Variants in KIAA1328 observed in about 807,000 individuals in gnomAD.
The protein encoded by KIAA1328 is protein hinderin.
In KIAA1328, 52 loss-of-function variants were observed where a neutral mutation model predicts 68.1. That is an observed-to-expected ratio of 0.76 (90% confidence interval 0.61 to 0.96). KIAA1328 has a LOEUF of 0.96. Among genes scored for constraint, KIAA1328 ranks in the 40% least tolerant of loss-of-function variants. The probability of loss-of-function intolerance (pLI) is 0.00; values close to 1 mark genes in which losing one functional copy is unlikely to be tolerated. For missense variants in KIAA1328, 641 were observed against 677.6 expected (o/e 0.95, Z 0.60); for synonymous variants, 232 against 239.4 (o/e 0.97, Z 0.28).
At chr18:37,229,405 T>C (rs2060654898), downstream of KIAA1328, among the ~76,000 whole-genome samples, 2 of 152,162 alleles carry the variant, frequency 1.3e-5, no homozygotes, top group Admixed American at 6.5e-5. Flanking sequence ...CAGGTATACA[T>C]CTATGCACAC....
chr18:36,942,967 C>T (rs906561867), intron 5 of KIAA1328, among the ~76,000 whole-genome samples: 1 of 152,152 alleles, frequency 6.6e-6, no homozygotes, highest in Admixed American at 6.5e-5. Flanking sequence ...GATGCCAAAG[C>T]AAATTTAATT....
intron 5 of KIAA1328, among the ~76,000 whole-genome samples, chr18:36,924,328 ATG>A (rs2050035598): frequency 6.6e-6 from 1 of 152,170 alleles, no homozygotes; most frequent in African/African-American, 2.4e-5. Flanking sequence ...AGTTGTCCAG[ATG>A]AGAGTGGTGG....
chr18:36,926,093 T>C (rs2050106088), intron 5 of KIAA1328, among the ~76,000 whole-genome samples: 1 of 152,130 alleles, frequency 6.6e-6, no homozygotes, highest in Non-Finnish European at 1.5e-5. Context: ...GACATTTTCA[T>C]GTTTAGTTTA....
intron 6 of KIAA1328, among the ~76,000 whole-genome samples, chr18:37,058,712 T>TA (rs982265897): frequency 2.0e-5 from 3 of 151,176 alleles, no homozygotes; most frequent in Non-Finnish European, 3.0e-5. Context: ...ACTCTGTCTC[T>TA]AAAAAAAAAT....
chr18:37,216,520 T>C (rs2060437443), intron 9 of KIAA1328, among the ~76,000 whole-genome samples: 1 of 152,162 alleles, frequency 6.6e-6, no homozygotes, highest in African/African-American at 2.4e-5. Flanking sequence ...TCTGCTCTTT[T>C]ACATTTGCTG....
chr18:36,913,538 C>A (rs1323005301), intron 5 of KIAA1328, among the ~76,000 whole-genome samples: 2 of 28,198 alleles, frequency 7.1e-5, no homozygotes, highest in Non-Finnish European at 2.3e-4. Context: ...AGGAAAGCAA[C>A]TGCCTACACA....
intron 5 of KIAA1328, among the ~76,000 whole-genome samples, chr18:36,953,024 C>T (rs2051226983): frequency 6.6e-6 from 1 of 151,496 alleles, no homozygotes; most frequent in African/African-American, 2.4e-5. Context: ...AGTTTTCCTG[C>T]AATGTTTTAT....
chr18:37,177,846 C>A (rs1391507910), intron 9 of KIAA1328, among the ~76,000 whole-genome samples: 1 of 151,944 alleles, frequency 6.6e-6, no homozygotes, highest in African/African-American at 2.4e-5. Context: ...TTAATTGACA[C>A]ATCATAATTA....
chr18:36,900,973 TG>T (rs1381834822), intron 5 of KIAA1328, among the ~76,000 whole-genome samples: 1 of 152,096 alleles, frequency 6.6e-6, no homozygotes, highest in Non-Finnish European at 1.5e-5. Flanking sequence ...TGTTATAATC[TG>T]GTTGTCTCTT....
At chr18:36,948,272 T>G (rs1396463393) in intron 5 of KIAA1328, among the ~76,000 whole-genome samples, 3 of 146,058 alleles carry the variant, frequency 2.1e-5, no homozygotes, top group Admixed American at 6.8e-5. Flanking sequence ...TTTTTTTTTT[T>G]TTTTTTTTGA....
chr18:37,165,391 T>G (rs1051684979), intron 8 of KIAA1328, among the ~76,000 whole-genome samples: 1 of 151,298 alleles, frequency 6.6e-6, no homozygotes, highest in Non-Finnish European at 1.5e-5. Context: ...AGCTGAAGGG[T>G]TTTTTTTATT....
At chr18:36,905,946 A>G (rs370981631) in intron 5 of KIAA1328, among the ~76,000 whole-genome samples, 2 of 152,136 alleles carry the variant, frequency 1.3e-5, no homozygotes, top group Admixed American at 6.6e-5. Context: ...TCTGCCATCT[A>G]TTTAATTGCT....
intron 4 of KIAA1328, among the ~76,000 whole-genome samples, chr18:36,862,105 C>T (rs1198972945): frequency 4.9e-5 from 7 of 142,936 alleles, no homozygotes; most frequent in African/African-American, 2.0e-4. Context: ...ACAGAGAAAG[C>T]CCATGTACCT....
intron 7 of KIAA1328, among the ~76,000 whole-genome samples, chr18:37,101,601 TTA>T (rs1264376668): frequency 6.6e-6 from 1 of 152,162 alleles, no homozygotes; most frequent in Non-Finnish European, 1.5e-5. Flanking sequence ...CTGCAGGATA[TTA>T]TCCAGGAGAA....
chr18:37,133,524 A>G (rs2058572607), intron 7 of KIAA1328, among the ~76,000 whole-genome samples: 1 of 125,278 alleles, frequency 8.0e-6, no homozygotes, highest in Non-Finnish European at 1.6e-5. Flanking sequence ...TCTATATAGT[A>G]ATTTTTTTTT....
chr18:37,038,120 AAAAGGGAAGATGGCTGCCATGTC>A (rs2055101661), intron 6 of KIAA1328, among the ~76,000 whole-genome samples: 1 of 151,782 alleles, frequency 6.6e-6, no homozygotes, highest in African/African-American at 2.4e-5. Context: ...AAGAAAAAAG[AAAAGGGAAGATGGCTGCCATGTC>A]AAACACGCCT....
intron 6 of KIAA1328, among the ~76,000 whole-genome samples, chr18:36,966,118 A>T (rs532493415): frequency 6.6e-6 from 1 of 152,122 alleles, no homozygotes; most frequent in East Asian, 1.9e-4. Context: ...AAGGCAGTAC[A>T]ACAGCTTATT....
chr18:36,989,458 G>A (rs1393101311), intron 6 of KIAA1328, among the ~76,000 whole-genome samples: 1 of 152,196 alleles, frequency 6.6e-6, no homozygotes, highest in Non-Finnish European at 1.5e-5. Context: ...TTAGAGAACA[G>A]AGGTGAATGC....
intron 6 of KIAA1328, among the ~76,000 whole-genome samples, chr18:37,027,147 A>C (rs2054616778): frequency 6.6e-6 from 1 of 152,210 alleles, no homozygotes; most frequent in African/African-American, 2.4e-5. Context: ...AATACCTAGG[A>C]ATCCAACTTA....
Sources: gnomAD v4.1 joint callset for allele counts (sites outside exome capture counted in the v4.1 genomes callset) on GRCh38, gnomAD v4.1.1 for gene constraint, MANE v1.5 for transcripts, NCBI Gene and HGNC (gene_info 2026-07-23, HGNC 2026-07-21) for gene names.